The following UTRN variants were observed in gnomAD, a reference collection of about 807,000 sequenced individuals.
The protein encoded by UTRN is dystrophin-related protein 1.
A neutral mutation model predicts 463.9 loss-of-function variants in UTRN; 283 were observed. The observed-to-expected ratio is 0.61, with a 90% CI of 0.55 to 0.67. The LOEUF (loss-of-function observed/expected upper bound fraction) is 0.67. Ranked by LOEUF, UTRN falls within the 30% of genes least tolerant of loss-of-function variation. The pLI, the probability that UTRN is intolerant of heterozygous loss-of-function variation, is 0.00. For synonymous variants in UTRN, 1,442 were observed against 1,431.5 expected (o/e 1.01, Z -0.17); for missense variants, 3,922 against 4,084.3 (o/e 0.96, Z 1.08).
chr6:144,744,510 T>A (rs1451817425), intron 54 of UTRN, among the ~76,000 whole-genome samples: 1 of 150,386 alleles, frequency 6.6e-6, no homozygotes, highest in Non-Finnish European at 1.5e-5. Flanking sequence ...TTCTGAGTAG[T>A]TGAGTGTATA....
At chr6:144,478,573 T>C (rs1562461883) in intron 25 of UTRN, among the ~76,000 whole-genome samples, 4 of 152,190 alleles carry the variant, frequency 2.6e-5, no homozygotes, top group Admixed American at 2.0e-4. Context: ...AGCTCTTGTT[T>C]GGTCCTGTCT....
At chr6:144,771,452 G>A (rs910950202) in intron 58 of UTRN, among the ~76,000 whole-genome samples, 1 of 151,796 alleles carries the variant, frequency 6.6e-6, no homozygotes, top group African/African-American at 2.4e-5. Flanking sequence ...TTGAGACAGT[G>A]TCTCACTCTG....
intron 2 of UTRN, among the ~76,000 whole-genome samples, chr6:144,358,701 G>T (rs1306411409): frequency 6.6e-6 from 1 of 152,104 alleles, no homozygotes; most frequent in Admixed American, 6.5e-5. Flanking sequence ...GAACTCCTGG[G>T]CTCAAGTGAT....
At chr6:144,460,756 G>T (rs550501471) in intron 21 of UTRN, among the ~76,000 whole-genome samples, 147 of 152,322 alleles carry the variant, frequency 9.7e-4, no homozygotes, top group African/African-American at 3.5e-3. Context: ...TACCTGGGCA[G>T]CATGGTGGCA....
At chr6:144,472,755 C>T (rs1790790970) in intron 23 of UTRN, among the ~76,000 whole-genome samples, 1 of 146,576 alleles carries the variant, frequency 6.8e-6, no homozygotes, top group African/African-American at 2.5e-5. Flanking sequence ...GCTAAAATTG[C>T]ATCTACTTAC....
At chr6:144,414,916 G>C (rs957854366) in intron 3 of UTRN, among the ~76,000 whole-genome samples, 1 of 152,106 alleles carries the variant, frequency 6.6e-6, no homozygotes, top group Non-Finnish European at 1.5e-5. Flanking sequence ...GTTTCACCAC[G>C]TTAGCCAGGA....
chr6:144,788,719 C>A (rs1398394125), intron 61 of UTRN, among the ~76,000 whole-genome samples: 1 of 152,014 alleles, frequency 6.6e-6, no homozygotes, highest in African/African-American at 2.4e-5. Context: ...CATGCGCCAC[C>A]CGCCTGGCTA....
In UTRN at chr6:144,803,190, G is replaced by T. The variant is rs9484907; in HGVS notation, c.9357+43G>T. ...GTTTTGTTTTTAATACATTGCCATTGAATTAACTAGTATCTAAAATTTTAT... is the reference window on the plus strand; with the variant it reads ...GTTTTGTTTTTAATACATTGCCATTTAATTAACTAGTATCTAAAATTTTAT... On this transcript the variant is annotated intron_variant, in intron 65 of 74. Transcript: ENST00000367545. The T allele has an allele frequency of 3.9e-3, 4,500 of 1,149,990 alleles. 128 individuals carry two copies. In the African/African-American group the frequency reaches 0.064, roughly 16 times the overall value. 71.2% of individuals were successfully genotyped at this position (1,149,990 alleles called of 1,614,324 possible). A position where few individuals can be genotyped will look rare whatever the true frequency, so the allele number is the denominator to read the frequency against.
intron 64 of UTRN, among the ~76,000 whole-genome samples, 159 bp from the exon 65 acceptor site, chr6:144,802,877 C>G (rs1264519385): frequency 1.3e-5 from 2 of 152,100 alleles, no homozygotes; most frequent in African/African-American, 2.4e-5. Context: ...ATATTTGTCT[C>G]CCTCTCATGT....
chr6:144,786,218 C>A (rs1776277278), intron 61 of UTRN, among the ~76,000 whole-genome samples: 1 of 152,106 alleles, frequency 6.6e-6, no homozygotes, highest in Admixed American at 6.6e-5. Flanking sequence ...TCCCACGTAA[C>A]CTGTACAGTT....
chr6:144,550,544 C>G (rs1009223946), intron 47 of UTRN, among the ~76,000 whole-genome samples: 2 of 152,118 alleles, frequency 1.3e-5, no homozygotes, highest in African/African-American at 4.8e-5. Flanking sequence ...ACCCCCAACC[C>G]TATGACATTA....
At chr6:144,473,657 C>A in intron 23 of UTRN, 63 bp from the exon 24 acceptor site, 1 of 1,289,888 alleles carries the variant, frequency 7.8e-7, no homozygotes, top group Non-Finnish European at 1.1e-6. Context: ...GGCGGTAGAT[C>A]TTGAGATGTA....
intron 69 of UTRN, among the ~76,000 whole-genome samples, chr6:144,831,417 T>C (rs1780661155): frequency 6.6e-6 from 1 of 151,962 alleles, no homozygotes; most frequent in Non-Finnish European, 1.5e-5. Context: ...CTGTGTTGGC[T>C]TTGAAAATGA....
At chr6:144,658,907 A>G (rs1779589328) in intron 51 of UTRN, among the ~76,000 whole-genome samples, 1 of 152,258 alleles carries the variant, frequency 6.6e-6, no homozygotes, top group Non-Finnish European at 1.5e-5. Context: ...TGGAAGACAC[A>G]TTCAATGTAG....
At chr6:144,510,861 A>T (rs1795106881) in intron 34 of UTRN, 83 bp from the exon 35 acceptor site, 5 of 1,255,898 alleles carry the variant, frequency 4.0e-6, no homozygotes, top group Non-Finnish European at 2.1e-6. Flanking sequence ...TATGTGGCAG[A>T]AAAGTTTTTA....
At chr6:144,502,147 T>C (rs1794251268) in intron 34 of UTRN, among the ~76,000 whole-genome samples, 1 of 152,146 alleles carries the variant, frequency 6.6e-6, no homozygotes, top group African/African-American at 2.4e-5. Flanking sequence ...GAATATTTTT[T>C]AATGAACAAA....
At position 144,499,485 on chromosome 6, in the gene UTRN, C is replaced by T. The variant is rs540468430; in HGVS notation, c.4764+58C>T. 8.4e-5 allele frequency: 123 copies of T among 1,468,152 alleles called. 1 individual carries two copies. In the African/African-American group the frequency reaches 1.1e-3, roughly 13 times the overall value. The allele number at this position is 1,468,152 out of a possible 1,614,324, so 90.9% of individuals were successfully genotyped here. On this transcript the variant is annotated intron_variant, in intron 34 of 74. Coordinates refer to ENST00000367545, the MANE Select transcript of UTRN (RefSeq NM_007124.3). ...ATGCCAGCGTAACATGGCATTTGTTCGGGCGACCTGGTTGGATACCATGTC... is the reference window on the plus strand; with the variant it reads ...ATGCCAGCGTAACATGGCATTTGTTTGGGCGACCTGGTTGGATACCATGTC...
intron 51 of UTRN, among the ~76,000 whole-genome samples, chr6:144,579,976 G>A (rs561581910): frequency 1.3e-5 from 2 of 152,030 alleles, no homozygotes; most frequent in East Asian, 1.9e-4. Context: ...AAGTTCCATG[G>A]TTTTATTTTC....
intron 23 of UTRN, among the ~76,000 whole-genome samples, chr6:144,466,715 C>T (rs2128564032): frequency 6.6e-6 from 1 of 152,266 alleles, no homozygotes; most frequent in East Asian, 1.9e-4. Context: ...CTCTCCTCAC[C>T]AGTAGTAATA....
Sources: gnomAD v4.1 joint callset for allele counts (sites outside exome capture counted in the v4.1 genomes callset) on GRCh38, gnomAD v4.1.1 for gene constraint, MANE v1.5 for transcripts, NCBI Gene and HGNC (gene_info 2026-07-23, HGNC 2026-07-21) for gene names.